CNST: variants seen among roughly 807,000 people sequenced by gnomAD.
CNST encodes consortin.
A neutral mutation model predicts 72.4 loss-of-function variants in CNST; 39 were observed. The ratio of observed to expected loss-of-function variants is 0.54; its 90% CI spans 0.42 to 0.70. The LOEUF is 0.70. CNST is among the 30% of genes least tolerant of loss of function. The pLI is 0.00. For synonymous variants in CNST, 332 were observed against 320.1 expected (o/e 1.04, Z -0.40); for missense variants, 871 against 868.5 (o/e 1.00, Z -0.04).
At chr1:246,572,962 A>G (rs1660158822) in intron 1 of CNST, among the ~76,000 whole-genome samples, 1 of 152,202 alleles carries the variant, frequency 6.6e-6, no homozygotes, top group Non-Finnish European at 1.5e-5. Context: ...GGATCTTACA[A>G]GGATTCATGT....
chr1:246,609,300 G>A lies in CNST; in HGVS notation c.380-12129G>A, dbSNP rs7516932. Among the ~76,000 whole-genome samples the A allele has an allele frequency of 2.0e-5, 3 of 152,336 alleles. No individual in the cohort carries two copies. In the South Asian group the frequency reaches 6.2e-4, roughly 32 times the overall value. ...TATTTAAAAGGTGAGCACTGGCCAGGCACGGCAGCTCACGCCTTTAATGCC... is the reference window on the plus strand; with the variant it reads ...TATTTAAAAGGTGAGCACTGGCCAGACACGGCAGCTCACGCCTTTAATGCC... On this transcript the variant is annotated intron_variant, in intron 2 of 10. Transcript: ENST00000366513.
At chr1:246,664,399 G>A (rs1002564228) in intron 10 of CNST, among the ~76,000 whole-genome samples, 1 of 151,980 alleles carries the variant, frequency 6.6e-6, no homozygotes, top group Non-Finnish European at 1.5e-5. Context: ...CTGTTGTCCC[G>A]GAATTGCATT....
chr1:246,647,226 T>C lies in CNST; in HGVS notation c.1025T>C (p.Met342Thr). The C allele has an allele frequency of 6.2e-7, 1 of 1,614,170 alleles. No individual in the cohort carries two copies. Among genetic ancestry groups the C allele is most frequent in the Non-Finnish European group, 8.5e-7 (1 of 1,180,034 alleles). The change falls in exon 9 of 11, where the codon ATG becomes ACG. Residue 342 changes from methionine (M) to threonine (T), a missense_variant. Transcript: ENST00000366513. ...PLGSSPCCHQ[M>T]DVQTDSPSLS... The stretch of plus-strand genomic sequence containing the variant: ...GGGAGCAGTCCCTGCTGTCATCAGA[T>C]GGACGTGCAAACAGATTCCCCAAGC...
intron 6 of CNST, among the ~76,000 whole-genome samples, chr1:246,634,990 G>GGGGTGC (rs1489366089): frequency 6.7e-6 from 1 of 149,508 alleles, no homozygotes; most frequent in Non-Finnish European, 1.5e-5. Flanking sequence ...TCTTCCGGCC[G>GGGGTGC]GCCCTCTTCC....
chr1:246,611,433 G>A (rs1254993529), intron 2 of CNST, among the ~76,000 whole-genome samples: 3 of 152,080 alleles, frequency 2.0e-5, no homozygotes, highest in Non-Finnish European at 4.4e-5. Context: ...TCATTTTAGG[G>A]CTTCCAGTAG....
At chr1:246,595,903 C>T (rs922895227) in intron 2 of CNST, among the ~76,000 whole-genome samples, 1 of 152,154 alleles carries the variant, frequency 6.6e-6, no homozygotes, top group Non-Finnish European at 1.5e-5. Context: ...ACTCTTGTCA[C>T]TAATAGTCAT....
At chr1:246,597,550 C>T (rs1271903977) in intron 2 of CNST, among the ~76,000 whole-genome samples, 3 of 152,158 alleles carry the variant, frequency 2.0e-5, no homozygotes, top group Non-Finnish European at 4.4e-5. Flanking sequence ...CAGCAAATGG[C>T]GGGAAGCCAG....
At chr1:246,635,281 T>A (rs1558576705) in intron 6 of CNST, among the ~76,000 whole-genome samples, 2 of 151,756 alleles carry the variant, frequency 1.3e-5, no homozygotes, top group Non-Finnish European at 1.5e-5. Flanking sequence ...AGCAGGAGCA[T>A]CGTCTGGATT....
chr1:246,664,361 G>T (rs1217003986), intron 10 of CNST, among the ~76,000 whole-genome samples: 1 of 152,178 alleles, frequency 6.6e-6, no homozygotes, highest in Non-Finnish European at 1.5e-5. Context: ...ATATGTCCCA[G>T]GTGGCCTGAG....
intron 2 of CNST, among the ~76,000 whole-genome samples, chr1:246,619,262 T>G (rs915429885): frequency 4.6e-5 from 7 of 152,128 alleles, no homozygotes; most frequent in African/African-American, 1.7e-4. Flanking sequence ...GTTAGAAAAT[T>G]AGAAAGCAGA....
chr1:246,617,341 C>T (rs2103070780), intron 2 of CNST, among the ~76,000 whole-genome samples: 1 of 152,344 alleles, frequency 6.6e-6, no homozygotes, highest in Non-Finnish European at 1.5e-5. Context: ...TCCTATTATT[C>T]ACTATGACAT....
Position 246,647,862 on chromosome 1 carries a change from G to T in CNST, c.1661G>T (p.Gly554Val). 2 of 1,614,108 alleles carry T rather than the reference G, an allele frequency of 1.2e-6. No homozygotes were observed. Among genetic ancestry groups the T allele is most frequent in the Middle Eastern group, 3.3e-4 (2 of 6,062 alleles). ...TEDYLNSLLEGCLKDTEDSLS... is the reference protein window; with the variant it reads ...TEDYLNSLLEVCLKDTEDSLS... ...GACTATTTGAACAGCCTTTTAGAAG[G>T]ATGTTTAAAAGATACTGAAGATTCC... The change falls in exon 9 of 11, where the codon GGA (glycine) becomes GTA (valine). Residue 554 changes from glycine (G) to valine (V), a missense_variant. Gly to Val is a moderately radical substitution (Grantham distance 109). Coordinates refer to ENST00000366513, the MANE Select transcript of CNST (RefSeq NM_152609.3).
At chr1:246,644,250 G>C (rs1217426853) in intron 8 of CNST, among the ~76,000 whole-genome samples, 1 of 152,134 alleles carries the variant, frequency 6.6e-6, no homozygotes, top group East Asian at 1.9e-4. Flanking sequence ...TTAGCCGGGC[G>C]TGGTGGCGGG....
intron 8 of CNST, among the ~76,000 whole-genome samples, chr1:246,646,692 C>T (rs1016495901): frequency 1.3e-5 from 2 of 152,188 alleles, no homozygotes; most frequent in African/African-American, 2.4e-5. Flanking sequence ...GTTGGTCAGG[C>T]TGGTTTCGAA....
chr1:246,593,105 C>T (rs546058747), intron 2 of CNST, among the ~76,000 whole-genome samples: 1 of 152,030 alleles, frequency 6.6e-6, no homozygotes, highest in African/African-American at 2.4e-5. Flanking sequence ...CTGTCTATAT[C>T]GTATTTTTTA....
intron 9 of CNST, among the ~76,000 whole-genome samples, chr1:246,650,852 A>G (rs1008613958): frequency 6.6e-6 from 1 of 151,698 alleles, no homozygotes; most frequent in African/African-American, 2.4e-5. Flanking sequence ...TACTTTTTAT[A>G]TTTTTAGTAG....
In CNST at chr1:246,647,874, A is replaced by T. The variant is rs141673076; in HGVS notation, c.1673A>T (p.Asp558Val). ...LNSLLEGCLKDTEDSLSYEDN... is the reference protein window; with the variant it reads ...LNSLLEGCLKVTEDSLSYEDN... The stretch of plus-strand genomic sequence containing the variant: ...AGCCTTTTAGAAGGATGTTTAAAAG[A>T]TACTGAAGATTCCCTTTCCTATGAA... Residue 558 changes from aspartate (D) to valine (V), a missense_variant, in exon 9 of 11, where the codon GAT (aspartate) becomes GTT (valine). Physicochemically the swap from Asp to Val is radical, Grantham distance 152. Transcript: ENST00000366513. The T allele has an allele frequency of 6.2e-7, 1 of 1,614,178 alleles. No homozygotes were observed. The highest frequency in any genetic ancestry group is 8.5e-7 in the Non-Finnish European group (1 of 1,180,036).
At chr1:246,625,423 T>C (rs1183662288) in intron 3 of CNST, among the ~76,000 whole-genome samples, 43 of 134,942 alleles carry the variant, frequency 3.2e-4, no homozygotes, top group Middle Eastern at 3.6e-3. Context: ...TCTTTTTTTT[T>C]TTTTTTTTTT....
rs182859514 is a variant in CNST at position 246,651,240 on chromosome 1, G to C, written c.1836+3203G>C. Among the ~76,000 whole-genome samples the C allele has an allele frequency of 7.2e-5, 11 of 151,886 alleles. No individual in the cohort carries two copies. The East Asian group carries it at 2.1e-3, about 29-fold the overall frequency. ...CATTTTTCTTGCACTTAGGAACCCC[G>C]AGGCAATGAGTCTGCCCCCTCCACC... On this transcript the variant is annotated intron_variant, in intron 9 of 10. Coordinates refer to ENST00000366513, the MANE Select transcript of CNST (RefSeq NM_152609.3).
Sources: gnomAD v4.1 joint callset for allele counts (sites outside exome capture counted in the v4.1 genomes callset) on GRCh38, gnomAD v4.1.1 for gene constraint, MANE v1.5 for transcripts, NCBI Gene and HGNC (gene_info 2026-07-23, HGNC 2026-07-21) for gene names.